Variants in PTPRT observed in about 807,000 individuals in gnomAD.
The protein encoded by PTPRT is protein tyrosine phosphatase receptor type T.
Under a neutral mutation model 176.8 loss-of-function variants are expected in PTPRT, and 56 were observed. That is an observed-to-expected ratio of 0.32 (90% CI 0.26 to 0.40). PTPRT has a LOEUF of 0.40. PTPRT is among the 10% of genes least tolerant of loss of function. The pLI, the probability that PTPRT is intolerant of heterozygous loss-of-function variation, is 1.00. For synonymous variants in PTPRT, 783 were observed against 739.0 expected (o/e 1.06, Z -0.96); for missense variants, 1,540 against 1,908.2 (o/e 0.81, Z 3.60).
At chr20:42,856,865 G>A (rs1228789593) in intron 2 of PTPRT, among the ~76,000 whole-genome samples, 1 of 152,112 alleles carries the variant, frequency 6.6e-6, no homozygotes. Context: ...TAGGATGTTG[G>A]GAGGGAAAAA....
At chr20:43,181,042 G>T (rs1398130160) in intron 1 of PTPRT, among the ~76,000 whole-genome samples, 1 of 152,180 alleles carries the variant, frequency 6.6e-6, no homozygotes, top group East Asian at 1.9e-4. Flanking sequence ...GACAAAGCCA[G>T]CTGCCACACT....
At chr20:42,617,103 A>G (rs1347635346) in intron 7 of PTPRT, among the ~76,000 whole-genome samples, 39 of 133,870 alleles carry the variant, frequency 2.9e-4, no homozygotes, top group South Asian at 4.7e-4. Flanking sequence ...ATTATTTTGA[A>G]ATACCTCCCA....
intron 10 of PTPRT, 101 bp downstream of exon 10, chr20:42,351,983 A>G: frequency 8.9e-7 from 1 of 1,127,622 alleles, no homozygotes; most frequent in Non-Finnish European, 1.3e-6. Flanking sequence ...AATTCCACCC[A>G]TATCACAGGG....
chr20:42,723,063 A>G (rs1402781740), intron 6 of PTPRT, among the ~76,000 whole-genome samples: 1 of 152,218 alleles, frequency 6.6e-6, no homozygotes, highest in Non-Finnish European at 1.5e-5. Context: ...ATATGAATAT[A>G]ACCTCAGAAT....
chr20:42,175,164 C>A (rs76730473), intron 16 of PTPRT, among the ~76,000 whole-genome samples: 219 of 152,272 alleles, frequency 1.4e-3, no homozygotes, highest in African/African-American at 5.0e-3. Flanking sequence ...TGTCACCTCC[C>A]TGCTCAAACT....
At chr20:42,212,548 G>C (rs1455084444) in intron 15 of PTPRT, among the ~76,000 whole-genome samples, 1 of 152,026 alleles carries the variant, frequency 6.6e-6, no homozygotes, top group African/African-American at 2.4e-5. Context: ...TACTGGCTTT[G>C]GTGCCAGACA....
chr20:42,278,893 C>G (rs1395225946), intron 13 of PTPRT, among the ~76,000 whole-genome samples: 1 of 152,136 alleles, frequency 6.6e-6, no homozygotes, highest in East Asian at 1.9e-4. Context: ...ACCTTAAGCA[C>G]CTGTGGCTGA....
the PTPRT span, among the ~76,000 whole-genome samples, chr20:42,037,436 AG>A: frequency 1.3e-5 from 2 of 152,146 alleles, no homozygotes; most frequent in Admixed American, 6.5e-5. Context: ...CCAAAAGGAG[AG>A]GCCTCTCATT....
chr20:42,491,077 G>A (rs764109798), intron 7 of PTPRT, among the ~76,000 whole-genome samples: 4 of 151,822 alleles, frequency 2.6e-5, no homozygotes, highest in South Asian at 2.1e-4. Flanking sequence ...TGAATTGCAC[G>A]AACATTGAAA....
chr20:42,060,004 A>G, the PTPRT span, among the ~76,000 whole-genome samples: 2 of 152,176 alleles, frequency 1.3e-5, no homozygotes, highest in East Asian at 3.8e-4. Context: ...AAATAAAAAT[A>G]ATAATTTACA....
intron 1 of PTPRT, among the ~76,000 whole-genome samples, chr20:42,939,858 T>C (rs894077627): frequency 2.0e-5 from 3 of 152,204 alleles, no homozygotes; most frequent in Non-Finnish European, 4.4e-5. Context: ...TAATTCACCT[T>C]ACCTTCATCT....
intron 7 of PTPRT, among the ~76,000 whole-genome samples, chr20:42,530,787 G>A (rs1012397712): frequency 6.6e-6 from 1 of 152,174 alleles, no homozygotes; most frequent in Non-Finnish European, 1.5e-5. Context: ...CAGTACTTGT[G>A]CATCCAGGAG....
intron 16 of PTPRT, among the ~76,000 whole-genome samples, chr20:42,181,746 A>G (rs1382893727): frequency 1.3e-5 from 2 of 152,222 alleles, no homozygotes; most frequent in Non-Finnish European, 2.9e-5. Flanking sequence ...CTCCAGGGAT[A>G]TAGTAGAAGC....
intron 1 of PTPRT, among the ~76,000 whole-genome samples, chr20:43,003,509 C>T (rs1336169318): frequency 6.6e-6 from 1 of 152,180 alleles, no homozygotes; most frequent in Non-Finnish European, 1.5e-5. Context: ...GCCTCTTGTG[C>T]TATTTTAAGT....
chr20:42,798,941 A>G lies in PTPRT; in HGVS notation c.215-7475T>C, dbSNP rs995219773. 5.9e-5 allele frequency among the ~76,000 whole-genome samples: 9 copies of G among 152,098 alleles called. No individual in the cohort carries two copies. In the South Asian group the frequency reaches 1.9e-3, roughly 32 times the overall value. ...TGGATACCCTAATGCAAGCAGAGTC[A>G]GGCAGGGAGTTTGTGTGCACGTGGG... On this transcript the variant is annotated intron_variant, in intron 2 of 30. Transcript: ENST00000373187.
At chr20:42,296,694 G>C (rs868861948) in intron 12 of PTPRT, among the ~76,000 whole-genome samples, 1 of 152,060 alleles carries the variant, frequency 6.6e-6, no homozygotes, top group African/African-American at 2.4e-5. Flanking sequence ...TATTCATTTG[G>C]ATTACAAGAC....
At position 42,117,577 on chromosome 20, in the gene PTPRT, G is replaced by A. The variant is rs546158976; in HGVS notation, c.2982+826C>T. ...TTAGAGGTCAGGGGAAGAAGAGCGG[G>A]TAGCAAAGGGTTGGATGCTGCTGAG... On this transcript the variant is annotated intron_variant, in intron 21 of 30. Coordinates refer to ENST00000373187, the MANE Select transcript of PTPRT (RefSeq NM_007050.6). 7.2e-5 allele frequency among the ~76,000 whole-genome samples: 11 copies of A among 152,270 alleles called. 1 individual carries two copies. Among genetic ancestry groups the A allele is most frequent in the African/African-American group, 2.6e-4 (11 of 41,566 alleles).
At chr20:43,141,476 G>A (rs2014001827) in intron 1 of PTPRT, among the ~76,000 whole-genome samples, 1 of 152,148 alleles carries the variant, frequency 6.6e-6, no homozygotes, top group Admixed American at 6.5e-5. Context: ...GTGTCAGCAG[G>A]GACCCCAGGA....
At position 42,079,951 on chromosome 20, in the gene PTPRT, A is replaced by C; in HGVS notation, c.*928T>G. ...CCCCTTCTTTTTGACATAAGAGACT[A>C]AGATTTTACACCCTCCAAAAGAAAG... On this transcript the variant is annotated 3_prime_UTR_variant, in exon 31 of 31. Coordinates refer to ENST00000373187, the MANE Select transcript of PTPRT (RefSeq NM_007050.6). 1 of 232,526 alleles carries C rather than the reference A, an allele frequency of 4.3e-6. No homozygotes were observed. Among genetic ancestry groups the C allele is most frequent in the Non-Finnish European group, 8.5e-6 (1 of 117,536 alleles). The allele number at this position is 232,526 out of a possible 1,614,324, so 14.4% of individuals were successfully genotyped here.
Sources: gnomAD v4.1 joint callset for allele counts (sites outside exome capture counted in the v4.1 genomes callset) on GRCh38, gnomAD v4.1.1 for gene constraint, MANE v1.5 for transcripts, NCBI Gene and HGNC (gene_info 2026-07-23, HGNC 2026-07-21) for gene names.